The following WT1 variants were observed in gnomAD, a reference collection of about 807,000 sequenced individuals.
WT1 encodes the protein WT1 transcription factor.
WT1 carries 8 observed loss-of-function variants against 60.8 expected under a neutral mutation model. That is an observed-to-expected ratio of 0.13 (90% CI 0.08 to 0.24). The LOEUF is 0.24. WT1 is among the 10% of genes least tolerant of loss of function. The probability of loss-of-function intolerance (pLI) is 1.00; values close to 1 mark genes in which losing one functional copy is unlikely to be tolerated. For missense variants in WT1, 568 were observed against 711.8 expected (o/e 0.80, Z 2.30); for synonymous variants, 312 against 297.1 (o/e 1.05, Z -0.52).
chr11:32,405,128 G>A (rs1033414339), intron 5 of WT1, among the ~76,000 whole-genome samples: 1 of 152,158 alleles, frequency 6.6e-6, no homozygotes, highest in Non-Finnish European at 1.5e-5. Flanking sequence ...AGTAAGACAA[G>A]TAAAATGAAG....
At chr11:32,403,740 A>G (rs1167995766) in intron 5 of WT1, among the ~76,000 whole-genome samples, 1 of 151,660 alleles carries the variant, frequency 6.6e-6, no homozygotes, top group East Asian at 2.0e-4. Context: ...ACGCCCGGCT[A>G]ATTTTTTTGT....
At chr11:32,401,686 C>G (rs1852163234) in intron 5 of WT1, among the ~76,000 whole-genome samples, 1 of 152,032 alleles carries the variant, frequency 6.6e-6, no homozygotes. Flanking sequence ...ATTACAGGCG[C>G]ACGTCACCAT....
chr11:32,399,596 A>AC (rs1852084533), intron 6 of WT1, among the ~76,000 whole-genome samples: 1 of 152,228 alleles, frequency 6.6e-6, no homozygotes, highest in Non-Finnish European at 1.5e-5. Flanking sequence ...TACGATGTAG[A>AC]CCAAATCTTA....
Position 32,435,288 on chromosome 11 carries a change from A to G in WT1, c.73T>C (p.Ser25Pro). ...GGCTGCTGTAGGCACCCAGGCCCGG[A>G]GCGGAGCGTGTGCTGAGACGCCGGC... The change falls in exon 1 of 10, where the codon TCC (serine) becomes CCC (proline). Residue 25 changes from serine to proline, a missense_variant. Transcript: ENST00000452863. The G allele has an allele frequency of 6.5e-7, 1 of 1,533,590 alleles. No homozygotes were observed. Among genetic ancestry groups the G allele is most frequent in the Non-Finnish European group, 8.7e-7 (1 of 1,146,508 alleles). 95.0% of individuals were successfully genotyped at this position (1,533,590 alleles called of 1,614,324 possible). A position where few individuals can be genotyped will look rare whatever the true frequency, so the allele number is the denominator to read the frequency against.
chr11:32,411,369 A>G (rs890983874), intron 5 of WT1, among the ~76,000 whole-genome samples: 2 of 152,242 alleles, frequency 1.3e-5, no homozygotes, highest in Non-Finnish European at 2.9e-5. Flanking sequence ...ATTTTCAAGA[A>G]GTCAAAGCTA....
At chr11:32,429,245 C>T (rs1364910213) in intron 1 of WT1, among the ~76,000 whole-genome samples, 1 of 152,214 alleles carries the variant, frequency 6.6e-6, no homozygotes, top group African/African-American at 2.4e-5. Flanking sequence ...GTTGGGCCTT[C>T]AGATGGCGAC....
rs2132956666 is a variant in WT1 at position 32,399,938 on chromosome 11, G to A, written c.1113+10C>T. The A allele has an allele frequency of 6.2e-7, 1 of 1,614,112 alleles. No individual in the cohort carries two copies. The highest frequency in any genetic ancestry group is 8.5e-7 in the Non-Finnish European group (1 of 1,179,988). On this transcript the variant is annotated intron_variant, in intron 6 of 9. Coordinates refer to ENST00000452863, the MANE Select transcript of WT1 (RefSeq NM_024426.6). ...GCCCCCTTCCCGCTGGGGCCTGTCT[G>A]TGTGCTCACCTGAATGCCTCTGAAG... is the stretch of plus-strand genomic sequence containing the variant.
At chr11:32,429,547 T>G (rs4986811) in intron 1 of WT1, among the ~76,000 whole-genome samples, 45,724 of 150,546 alleles carry the variant, frequency 0.3, 9,556 homozygotes, top group African/African-American at 0.6. Flanking sequence ...TTAAATTGCT[T>G]TAAACTTATA....
chr11:32,417,483 A>C, intron 4 of WT1, 94 bp downstream of exon 4: 3 of 1,180,082 alleles, frequency 2.5e-6, no homozygotes, highest in Non-Finnish European at 3.8e-6. Context: ...TTTCTTCTAA[A>C]ACTGTACTTT....
In WT1 at chr11:32,435,203, G is replaced by A; in HGVS notation, c.158C>T (p.Ala53Val). 1 of 1,532,030 alleles carries A rather than the reference G, an allele frequency of 6.5e-7. No homozygotes were observed. The allele number at this position is 1,532,030 out of a possible 1,614,324, so 94.9% of individuals were successfully genotyped here. A position where few individuals can be genotyped will look rare whatever the true frequency, so the allele number is the denominator to read the frequency against. ...CCGGCCCTGGAGACGTTCAGCGCTG[G>A]CCTCGGCGGCGCCTAACTTGGCCCA... The change falls in exon 1 of 10, where the codon GCC becomes GTC. Residue 53 changes from alanine (A) to valine (V), a missense_variant. By Grantham distance (64) the Ala-to-Val change is moderately conservative. This residue lies in a region of WT1 where 523 missense variants were observed against 565.1 expected (regional missense o/e 0.93). Coordinates refer to ENST00000452863, the MANE Select transcript of WT1 (RefSeq NM_024426.6).
At chr11:32,432,443 G>A (rs538652794) in intron 1 of WT1, among the ~76,000 whole-genome samples, 46 of 152,308 alleles carry the variant, frequency 3.0e-4, no homozygotes, top group Non-Finnish European at 4.7e-4. Flanking sequence ...GATAGCAGCC[G>A]GAGCGCTTCT....
chr11:32,419,681 C>T (rs1296031382), intron 3 of WT1, among the ~76,000 whole-genome samples: 1 of 152,104 alleles, frequency 6.6e-6, no homozygotes, highest in Admixed American at 6.5e-5. Context: ...TAAGGAAGTA[C>T]CCCAAAGAGA....
intron 3 of WT1, among the ~76,000 whole-genome samples, chr11:32,425,805 T>G (rs188739704): frequency 6.6e-6 from 1 of 152,256 alleles, no homozygotes; most frequent in East Asian, 1.9e-4. Flanking sequence ...GTTCCTCAAT[T>G]ATAAAGAAAG....
rs2234584 is a variant in WT1, at chr11:32,428,521, G to T, written c.760C>A (p.Pro254Thr). 5.2e-5 allele frequency: 84 copies of T among 1,614,126 alleles called. No homozygotes were observed. In the East Asian group the frequency reaches 1.8e-3, roughly 36 times the overall value. The change falls in exon 2 of 10, where the codon CCC becomes ACC. Residue 254 changes from proline to threonine, a missense_variant. By Grantham distance (38) the Pro-to-Thr change is conservative. Transcript: ENST00000452863. ...CCCAGCGAGCCCTGCTGGCCCATGGGATCCTCATGCTTGAATGAGTGGTTG... is the reference window on the plus strand; with the variant it reads ...CCCAGCGAGCCCTGCTGGCCCATGGTATCCTCATGCTTGAATGAGTGGTTG...
At chr11:32,406,649 A>G (rs1254804716) in intron 5 of WT1, among the ~76,000 whole-genome samples, 1 of 152,128 alleles carries the variant, frequency 6.6e-6, no homozygotes, top group Non-Finnish European at 1.5e-5. Context: ...ATTTATTTCT[A>G]TTGAACTGGG....
At chr11:32,409,298 A>AAAGTCAAAAACTTGAAACTGT (rs1852421236) in intron 5 of WT1, among the ~76,000 whole-genome samples, 2 of 152,230 alleles carry the variant, frequency 1.3e-5, no homozygotes, top group African/African-American at 4.8e-5. Flanking sequence ...GCATGATCGA[A>AAAGTCAAAAACTTGAAACTGT]AAGTCAAAAA....
Position 32,435,013 on chromosome 11 carries a change from CG to C in WT1, c.347del (p.Pro116ArgfsTer47). Reference sequence around the variant, plus strand: ...CCAACGACCCGTAAGCCGAAGCGCCCGGGGGCGCAAAGTCCAGCACCGGCGC... The same window carrying C: ...CCAACGACCCGTAAGCCGAAGCGCCCGGGGCGCAAAGTCCAGCACCGGCGC... On this transcript the variant is annotated frameshift_variant, in exon 1 of 10. Coordinates refer to ENST00000452863, the MANE Select transcript of WT1 (RefSeq NM_024426.6). LOFTEE classifies it high-confidence loss of function. 2 of 1,487,730 alleles carry C rather than the reference CG, an allele frequency of 1.3e-6. No individual in the cohort carries two copies. The highest frequency in any genetic ancestry group is 1.4e-5 in the African/African-American group (1 of 69,362). The allele number at this position is 1,487,730 out of a possible 1,614,324, so 92.2% of individuals were successfully genotyped here. A position where few individuals can be genotyped will look rare whatever the true frequency, so the allele number is the denominator to read the frequency against.
At chr11:32,410,692 G>T (rs1254010878) in intron 5 of WT1, among the ~76,000 whole-genome samples, 1 of 152,080 alleles carries the variant, frequency 6.6e-6, no homozygotes, top group African/African-American at 2.4e-5. Flanking sequence ...TAATCAAGGA[G>T]AAAATAACTG....
rs780953688 is a variant in WT1, at chr11:32,428,077, A to G, written c.785-19T>C. 6.3e-7 allele frequency: 1 copy of G among 1,584,270 alleles called. No homozygotes were observed. Among genetic ancestry groups the G allele is most frequent in the South Asian group, 1.1e-5 (1 of 88,236 alleles). ...TGCTCACCTGCAGAGAGAACCGAAG[A>G]CAGCTGAGCGAGTGCGCCCCAAGGG... On this transcript the variant is annotated intron_variant, in intron 2 of 9. Transcript: ENST00000452863.
Sources: allele counts gnomAD v4.1 joint callset (sites outside exome capture counted in the v4.1 genomes callset), GRCh38; gene constraint gnomAD v4.1.1; regional missense constraint gnomAD v4.1.1; transcripts MANE v1.5; gene names NCBI Gene and HGNC (gene_info 2026-07-23, HGNC 2026-07-21).